DCAF1: variants seen among roughly 807,000 people sequenced by gnomAD.
DCAF1 encodes DDB1- and CUL4-associated factor 1.
A neutral mutation model predicts 128.0 loss-of-function variants in DCAF1; 15 were observed. The ratio of observed to expected loss-of-function variants is 0.12; its 90% CI spans 0.08 to 0.18. The LOEUF is 0.18. DCAF1 is among the 10% of genes least tolerant of loss of function. DCAF1 has a pLI of 1.00. For synonymous variants in DCAF1, 610 were observed against 603.0 expected (o/e 1.01, Z -0.17); for missense variants, 988 against 1,649.5 (o/e 0.60, Z 6.95).
At chr3:51,445,989 CTTTTTTTTT>C (rs782164524) in intron 6 of DCAF1, among the ~76,000 whole-genome samples, 2 of 117,632 alleles carry the variant, frequency 1.7e-5, no homozygotes, top group Admixed American at 1.9e-4. Flanking sequence ...AACCTAAGTT[CTTTTTTTTT>C]TTTTTTTTTT....
At chr3:51,466,541 T>A (rs1294570080) in intron 5 of DCAF1, among the ~76,000 whole-genome samples, 1 of 152,246 alleles carries the variant, frequency 6.6e-6, no homozygotes, top group South Asian at 2.1e-4. Flanking sequence ...TATTTTTCCA[T>A]TGAAAAACTG....
At chr3:51,456,278 G>A (rs6804128) in intron 6 of DCAF1, among the ~76,000 whole-genome samples, 1,796 of 152,354 alleles carry the variant, frequency 0.012, 27 homozygotes, top group African/African-American at 0.041. Flanking sequence ...CTGGCTCGGA[G>A]GGTCCTACGC....
chr3:51,468,027 A>G (rs1184585739), intron 4 of DCAF1, among the ~76,000 whole-genome samples: 1 of 152,216 alleles, frequency 6.6e-6, no homozygotes, highest in Non-Finnish European at 1.5e-5. Flanking sequence ...GAATTCCACC[A>G]AGCAATCACT....
At chr3:51,503,291 AC>A (rs1260429244), upstream of DCAF1, among the ~76,000 whole-genome samples, 21 of 152,144 alleles carry the variant, frequency 1.4e-4, no homozygotes, top group Non-Finnish European at 1.5e-5. Flanking sequence ...AGCATGCTCT[AC>A]CTACTCCCAC....
chr3:51,503,356 G>C (rs1468516128), upstream of DCAF1, among the ~76,000 whole-genome samples: 1 of 152,156 alleles, frequency 6.6e-6, no homozygotes, highest in East Asian at 1.9e-4. Flanking sequence ...AAGTCCTCTA[G>C]GCTTCAAGCT....
intron 24 of DCAF1, among the ~76,000 whole-genome samples, chr3:51,401,979 C>T (rs2089735920): frequency 6.6e-6 from 1 of 152,168 alleles, no homozygotes; most frequent in Non-Finnish European, 1.5e-5. Flanking sequence ...CACCCTCAAG[C>T]TTCCTCAAAA....
chr3:51,415,453 C>A (rs1698794361), intron 18 of DCAF1, among the ~76,000 whole-genome samples: 1 of 152,104 alleles, frequency 6.6e-6, no homozygotes, highest in Non-Finnish European at 1.5e-5. Flanking sequence ...TGTGATCGTG[C>A]CACTGCACTG....
chr3:51,423,683 G>C (rs2107432900), intron 13 of DCAF1, among the ~76,000 whole-genome samples: 1 of 151,966 alleles, frequency 6.6e-6, no homozygotes, highest in African/African-American at 2.4e-5. Flanking sequence ...GCCAGGCATG[G>C]TGGTGGGCAT....
intron 20 of DCAF1, 98 bp downstream of exon 20, chr3:51,413,852 C>T: frequency 7.8e-7 from 1 of 1,279,978 alleles, no homozygotes; most frequent in Non-Finnish European, 1.0e-6. Flanking sequence ...CAAATGCTTT[C>T]CAATTCACAA....
chr3:51,396,420 T>C (rs1553622975), downstream of DCAF1: 1 of 167,270 alleles, frequency 6.0e-6, no homozygotes, highest in African/African-American at 2.4e-5. Context: ...TTCTGTGAAC[T>C]CTCAGGCCTT....
chr3:51,410,007 C>A (rs1172212563), intron 23 of DCAF1, among the ~76,000 whole-genome samples: 1 of 152,210 alleles, frequency 6.6e-6, no homozygotes, highest in Non-Finnish European at 1.5e-5. Context: ...TATCTCATAA[C>A]TCACATGAGC....
intron 1 of DCAF1, among the ~76,000 whole-genome samples, chr3:51,498,886 T>G (rs78245037): frequency 1.3e-5 from 2 of 152,154 alleles, no homozygotes; most frequent in African/African-American, 4.8e-5. Context: ...CAGGATGATA[T>G]TACCAATTAA....
intron 5 of DCAF1, among the ~76,000 whole-genome samples, chr3:51,464,260 AT>A (rs1459150010): frequency 6.5e-5 from 2 of 30,930 alleles, no homozygotes; most frequent in African/African-American, 4.1e-4. Flanking sequence ...AATAAATTAT[AT>A]ATATAATACA....
intron 6 of DCAF1, among the ~76,000 whole-genome samples, chr3:51,460,716 T>C (rs1381039651): frequency 6.6e-6 from 1 of 152,120 alleles, no homozygotes; most frequent in African/African-American, 2.4e-5. Context: ...AACAGATATA[T>C]AGACCAATGG....
intron 12 of DCAF1, among the ~76,000 whole-genome samples, chr3:51,427,799 A>AT (rs1553634530): frequency 6.6e-6 from 1 of 151,864 alleles, no homozygotes; most frequent in African/African-American, 2.4e-5. Flanking sequence ...CACCCAGCTA[A>AT]TTATTTTATT....
chr3:51,505,523 A>G, the DCAF1 span, among the ~76,000 whole-genome samples: 1 of 152,138 alleles, frequency 6.6e-6, no homozygotes, highest in Non-Finnish European at 1.5e-5. Flanking sequence ...ATGGGCTCTT[A>G]CCGTGGGGAA....
In DCAF1 at chr3:51,441,236, T is replaced by C. The variant is rs538151262; in HGVS notation, c.1026+149A>G. 5.0e-6 allele frequency: 6 copies of C among 1,194,726 alleles called. No individual in the cohort carries two copies. In the Admixed American group the frequency reaches 1.3e-4, roughly 26 times the overall value. 74.0% of individuals were successfully genotyped at this position (1,194,726 alleles called of 1,614,324 possible). ...TTAATCAAATAGACCATATCAGGAATGACCTGCATAAGACTTGAACAGTTT... is the reference window on the plus strand; with the variant it reads ...TTAATCAAATAGACCATATCAGGAACGACCTGCATAAGACTTGAACAGTTT... On this transcript the variant is annotated intron_variant, in intron 8 of 24. Transcript: ENST00000684031.
At chr3:51,437,054 G>C (rs1392088450) in intron 9 of DCAF1, among the ~76,000 whole-genome samples, 2 of 151,838 alleles carry the variant, frequency 1.3e-5, no homozygotes, top group African/African-American at 2.4e-5. Flanking sequence ...CTTGAGGTCA[G>C]GAGTTCGAGA....
intron 3 of DCAF1, among the ~76,000 whole-genome samples, chr3:51,471,511 C>A (rs1410479462): frequency 1.3e-5 from 2 of 151,964 alleles, no homozygotes; most frequent in African/African-American, 4.8e-5. Context: ...TAAACTTTCC[C>A]TTCTTCAAAA....
Sources: gnomAD v4.1 joint callset for allele counts (sites outside exome capture counted in the v4.1 genomes callset) on GRCh38, gnomAD v4.1.1 for gene constraint, MANE v1.5 for transcripts, NCBI Gene and HGNC (gene_info 2026-07-23, HGNC 2026-07-21) for gene names.